Variants in CSMD1 observed in about 807,000 individuals in gnomAD.
The protein encoded by CSMD1 is CUB and Sushi multiple domains 1.
Under a neutral mutation model 417.5 loss-of-function variants are expected in CSMD1, and 213 were observed. The observed-to-expected ratio is 0.51, with a 90% CI of 0.46 to 0.57. The LOEUF (loss-of-function observed/expected upper bound fraction) is 0.57. Ranked by LOEUF, CSMD1 falls within the 20% of genes least tolerant of loss-of-function variation. The probability of loss-of-function intolerance (pLI) is 0.00; values close to 1 mark genes in which losing one functional copy is unlikely to be tolerated. For synonymous variants in CSMD1, 2,862 were observed against 1,736.8 expected, an observed-to-expected ratio of 1.65 and a Z score of -16.11; for missense variants, 6,923 against 4,529.7, an observed-to-expected ratio of 1.53 and a Z score of -15.17.
At chr8:3,588,696 A>G (rs1485468858) in intron 8 of CSMD1, among the ~76,000 whole-genome samples, 2 of 152,104 alleles carry the variant, frequency 1.3e-5, no homozygotes, top group Admixed American at 1.3e-4. Context: ...TAAACCCCCA[A>G]AGCGCAGACA....
intron 10 of CSMD1, among the ~76,000 whole-genome samples, chr8:3,502,798 A>G (rs1390956459): frequency 6.6e-6 from 1 of 152,194 alleles, no homozygotes; most frequent in Non-Finnish European, 1.5e-5. Context: ...GACTTTATAC[A>G]GTTGCCCAAA....
chr8:4,869,857 T>C (rs898820100), intron 1 of CSMD1, among the ~76,000 whole-genome samples: 13 of 152,096 alleles, frequency 8.5e-5, no homozygotes, highest in African/African-American at 3.1e-4. Context: ...CTCTCTTTTT[T>C]ATATTCTCTT....
At chr8:4,623,596 G>A (rs912586223) in intron 2 of CSMD1, among the ~76,000 whole-genome samples, 1 of 152,060 alleles carries the variant, frequency 6.6e-6, no homozygotes, top group Non-Finnish European at 1.5e-5. Context: ...ATGTCTATTA[G>A]AGTGATAAAC....
intron 3 of CSMD1, among the ~76,000 whole-genome samples, chr8:4,389,467 A>T (rs1803699140): frequency 6.6e-6 from 1 of 152,188 alleles, no homozygotes; most frequent in Non-Finnish European, 1.5e-5. Flanking sequence ...TAATTTGGTT[A>T]GTGCTTTTTT....
At chr8:4,246,867 C>G (rs893379980) in intron 3 of CSMD1, among the ~76,000 whole-genome samples, 2 of 152,096 alleles carry the variant, frequency 1.3e-5, no homozygotes, top group Non-Finnish European at 2.9e-5. Flanking sequence ...AAATAATCTA[C>G]AAAGTGACTT....
intron 1 of CSMD1, among the ~76,000 whole-genome samples, chr8:4,865,058 C>T (rs1802347701): frequency 6.6e-6 from 1 of 150,904 alleles, no homozygotes; most frequent in Admixed American, 6.6e-5. Flanking sequence ...ATTTTTATTT[C>T]AATAGGTTTT....
At chr8:3,578,660 T>G (rs1800253983) in intron 9 of CSMD1, among the ~76,000 whole-genome samples, 1 of 152,172 alleles carries the variant, frequency 6.6e-6, no homozygotes, top group Non-Finnish European at 1.5e-5. Flanking sequence ...TCATGGACTC[T>G]GCTGGTTTTT....
chr8:4,898,420 G>A (rs1339315697), intron 1 of CSMD1, among the ~76,000 whole-genome samples: 2 of 151,608 alleles, frequency 1.3e-5, no homozygotes, highest in East Asian at 3.9e-4. Flanking sequence ...ACAGTGACTG[G>A]GTGATGGTCA....
chr8:3,942,198 T>C (rs1810930572), intron 5 of CSMD1, among the ~76,000 whole-genome samples: 1 of 151,976 alleles, frequency 6.6e-6, no homozygotes, highest in Non-Finnish European at 1.5e-5. Flanking sequence ...TGATTCTACA[T>C]TATGGTGACT....
chr8:4,219,980 C>T (rs1326613682), intron 3 of CSMD1, among the ~76,000 whole-genome samples: 3 of 152,146 alleles, frequency 2.0e-5, no homozygotes, highest in African/African-American at 7.2e-5. Context: ...AATGGAGTCT[C>T]ACTCTGTCAC....
intron 10 of CSMD1, among the ~76,000 whole-genome samples, chr8:3,528,028 C>A (rs76135831): frequency 3.6e-4 from 55 of 152,242 alleles, no homozygotes; most frequent in Non-Finnish European, 6.9e-4. Context: ...CTGTCTCCAG[C>A]CATTGCCATT....
intron 8 of CSMD1, among the ~76,000 whole-genome samples, chr8:3,613,590 T>C (rs1049861970): frequency 6.6e-6 from 1 of 152,024 alleles, no homozygotes; most frequent in African/African-American, 2.4e-5. Context: ...TATGAGTTTT[T>C]AACTTAGGGA....
chr8:4,283,811 C>G (rs537281865), intron 3 of CSMD1, among the ~76,000 whole-genome samples: 1 of 152,314 alleles, frequency 6.6e-6, no homozygotes, highest in Non-Finnish European at 1.5e-5. Context: ...GCTTTACCCA[C>G]CTATAAAATC....
At chr8:4,259,190 C>T (rs533392023) in intron 3 of CSMD1, among the ~76,000 whole-genome samples, 13 of 152,204 alleles carry the variant, frequency 8.5e-5, no homozygotes, top group Non-Finnish European at 1.5e-4. Flanking sequence ...CTCTAGAAGT[C>T]ACTTTCCAGC....
At chr8:4,972,933 G>C (rs1810329955) in intron 1 of CSMD1, among the ~76,000 whole-genome samples, 1 of 152,066 alleles carries the variant, frequency 6.6e-6, no homozygotes, top group South Asian at 2.1e-4. Flanking sequence ...AATACTGTAA[G>C]TTAACTCTCC....
At chr8:4,295,274 TTA>T (rs1213889135) in intron 3 of CSMD1, among the ~76,000 whole-genome samples, 20 of 22,182 alleles carry the variant, frequency 9.0e-4, no homozygotes, top group South Asian at 4.9e-3. Context: ...AATCTTAAGA[TTA>T]TATGCACATA....
rs13269978 is a variant in CSMD1, at chr8:3,247,445, C to G, written c.4154-17214G>C. 9.5e-3 allele frequency among the ~76,000 whole-genome samples: 1,453 copies of G among 152,264 alleles called. 34 individuals are homozygous for G. Among genetic ancestry groups the G allele is most frequent in the African/African-American group, 0.033 (1,368 of 41,556 alleles). On this transcript the variant is annotated intron_variant, in intron 26 of 69. Transcript: ENST00000635120. ...CCATGCTCCTTGTATCTCTGACAAA[C>G]CATTTCAGATACAAGCCAAGCTGTC...
intron 6 of CSMD1, among the ~76,000 whole-genome samples, chr8:3,719,114 G>C (rs950004825): frequency 1.3e-5 from 2 of 152,150 alleles, no homozygotes; most frequent in African/African-American, 4.8e-5. Context: ...TTCCAAGAAA[G>C]ATTTTGTGTC....
At chr8:3,034,203 T>A (rs889241077) in intron 50 of CSMD1, among the ~76,000 whole-genome samples, 4 of 152,240 alleles carry the variant, frequency 2.6e-5, no homozygotes, top group Non-Finnish European at 5.9e-5. Flanking sequence ...AGAAAAATAG[T>A]TGGAATGAAG....
Sources: allele counts gnomAD v4.1 joint callset (sites outside exome capture counted in the v4.1 genomes callset), GRCh38; gene constraint gnomAD v4.1.1; transcripts MANE v1.5; gene names NCBI Gene and HGNC (gene_info 2026-07-23, HGNC 2026-07-21).